The following PREPL variants were observed in gnomAD, a reference collection of about 807,000 sequenced individuals.
PREPL encodes the protein prolyl endopeptidase like, also known as prolyl endopeptidase-like.
Under a neutral mutation model 70.6 loss-of-function variants are expected in PREPL, and 77 were observed. That is an observed-to-expected ratio of 1.09 (90% confidence interval 0.91 to 1.32). The LOEUF (loss-of-function observed/expected upper bound fraction) is 1.32. Ranked by LOEUF, PREPL falls within the 40% of genes most tolerant of loss-of-function variation. PREPL has a pLI of 0.00. For synonymous variants in PREPL, 315 were observed against 264.8 expected (o/e 1.19, Z -1.84); for missense variants, 1,002 against 778.2 (o/e 1.29, Z -3.42).
chr2:44,338,360 C>T lies in PREPL; in HGVS notation c.879G>A (p.Arg293=), dbSNP rs546552914. The T allele has an allele frequency of 1.1e-5, 17 of 1,610,674 alleles. No homozygotes were observed. The highest frequency in any genetic ancestry group is 1.0e-4 in the South Asian group (9 of 90,432). ...NVIGLADDSV[R]SLKLPPWACG... is the part of the protein sequence containing the mutation. Reference sequence around the variant, plus strand: ...TGAAAATTAAACATACCTTTAGAGACCGAACTGAATCATCAGCCAGACCAA... The same window carrying T: ...TGAAAATTAAACATACCTTTAGAGATCGAACTGAATCATCAGCCAGACCAA... The change falls in exon 7 of 14, where the codon CGG becomes CGA. Residue 293 remains arginine, a synonymous_variant. Coordinates refer to ENST00000409411, the MANE Select transcript of PREPL (RefSeq NM_001171613.2).
chr2:44,327,400 G>T (rs1045680858), intron 9 of PREPL, among the ~76,000 whole-genome samples: 2 of 152,088 alleles, frequency 1.3e-5, no homozygotes, highest in African/African-American at 4.8e-5. Flanking sequence ...CCAGGTGAGG[G>T]GTATATACAC....
At chr2:44,333,065 G>A (rs1572867383) in intron 7 of PREPL, among the ~76,000 whole-genome samples, 1 of 152,164 alleles carries the variant, frequency 6.6e-6, no homozygotes, top group Admixed American at 6.5e-5. Context: ...ACATGCGTGT[G>A]TTTTTCATAA....
At chr2:44,331,682 C>G in intron 8 of PREPL, among the ~76,000 whole-genome samples, 1 of 152,132 alleles carries the variant, frequency 6.6e-6, no homozygotes, top group Non-Finnish European at 1.5e-5. Flanking sequence ...TCCCTTTGCT[C>G]TATGCTCCCA....
chr2:44,339,185 A>G lies in PREPL; in HGVS notation c.664T>C (p.Tyr222His), dbSNP rs764951966. The change falls in exon 6 of 14, where the codon TAC (tyrosine) becomes CAC (histidine). Residue 222 changes from tyrosine to histidine, a missense_variant. Transcript: ENST00000409411. ...YYVEHRDDELYILTNVGEPTE... is the reference protein window; with the variant it reads ...YYVEHRDDELHILTNVGEPTE... ...GGTTCTCCAACATTAGTGAGAATGT[A>G]TAATTCATCATCTCTGTGTTCAACA... 14 of 1,613,932 alleles carry G rather than the reference A, an allele frequency of 8.7e-6. No homozygotes were observed. Among genetic ancestry groups the G allele is most frequent in the East Asian group, 6.7e-5 (3 of 44,882 alleles).
At chr2:44,328,438 C>CAAA (rs1194898905) in intron 9 of PREPL, among the ~76,000 whole-genome samples, 1,840 of 61,136 alleles carry the variant, frequency 0.03, 64 homozygotes, top group Middle Eastern at 0.062. Context: ...CTGTCTCAAA[C>CAAA]AAAAAAAAAA....
rs190581072 is a variant in PREPL, at chr2:44,353,079, T to C, written c.-48-6689A>G. On this transcript the variant is annotated intron_variant, in intron 1 of 13. Transcript: ENST00000409411. ...CTGGGCAACATAGCAAGACTCTGTC[T>C]CTATTTAAAAAAGTTTTGGATTTTG... Among the ~76,000 whole-genome samples, 22 of 152,040 alleles carry C rather than the reference T, an allele frequency of 1.4e-4. No homozygotes were observed. In the East Asian group the frequency reaches 3.9e-3, roughly 27 times the overall value.
intron 10 of PREPL, among the ~76,000 whole-genome samples, 157 bp downstream of exon 10, chr2:44,326,555 C>G (rs1483855320): frequency 6.6e-6 from 1 of 151,244 alleles, no homozygotes; most frequent in African/African-American, 2.4e-5. Context: ...CCAGGCTGGT[C>G]TCGAGCTCCT....
chr2:44,345,248 G>A (rs1675670071), intron 2 of PREPL, among the ~76,000 whole-genome samples: 1 of 152,156 alleles, frequency 6.6e-6, no homozygotes, highest in Admixed American at 6.5e-5. Context: ...GGCGTAATTT[G>A]AATCTGGAGA....
Position 44,319,493 on chromosome 2 carries a change from CATTT to C in PREPL, c.*1859_*1862del, listed in dbSNP as rs149755863. ...TTCAACAGAATATTGTCATTAAAAA[CATTT>C]ATGGAGGCTATATTATATAGTCAAT... is the stretch of plus-strand genomic sequence containing the variant. On this transcript the variant is annotated 3_prime_UTR_variant, in exon 14 of 14. Transcript: ENST00000409411. 0.043 allele frequency: 6,553 copies of C among 152,220 alleles called. 165 individuals carry two copies. The highest frequency in any genetic ancestry group is 0.098 in the East Asian group (508 of 5,178). The allele number at this position is 152,220 out of a possible 1,614,324, so 9.4% of individuals were successfully genotyped here. A position where few individuals can be genotyped will look rare whatever the true frequency, so the allele number is the denominator to read the frequency against.
Position 44,339,365 on chromosome 2 carries a change from TAGAGAGAG to T in PREPL, c.486-10_486-3del, listed in dbSNP as rs750292662. 1.3e-6 allele frequency: 2 copies of T among 1,535,390 alleles called. No homozygotes were observed. The highest frequency in any genetic ancestry group is 1.8e-6 in the Non-Finnish European group (2 of 1,123,552). On this transcript the variant is annotated splice_polypyrimidine_tract_variant and splice_region_variant and intron_variant, in intron 5 of 13. Transcript: ENST00000409411. The stretch of plus-strand genomic sequence containing the variant: ...GTAAGATAAAGGAAAACAAAGTAGC[TAGAGAGAG>T]AGAGAGAGACATGAGATCACAGTTT...
intron 2 of PREPL, among the ~76,000 whole-genome samples, chr2:44,345,705 A>G (rs1163966721): frequency 6.6e-6 from 1 of 152,228 alleles, no homozygotes; most frequent in East Asian, 1.9e-4. Context: ...ATGGTTAAAC[A>G]GATACTTGGC....
rs538599031 is a variant in PREPL at position 44,332,147 on chromosome 2, C to T, written c.1086+312G>A. Among the ~76,000 whole-genome samples the T allele has an allele frequency of 2.2e-3, 335 of 152,040 alleles. 2 individuals are homozygous for T. The highest frequency in any genetic ancestry group is 0.014 in the Middle Eastern group (4 of 294). On this transcript the variant is annotated intron_variant, in intron 8 of 13. Transcript: ENST00000409411. ...ATTTTTAGTAGAGATGGGGTTTCACCGTGTTAGCCAGGATGGTCTCGATCT... is the reference window on the plus strand; with the variant it reads ...ATTTTTAGTAGAGATGGGGTTTCACTGTGTTAGCCAGGATGGTCTCGATCT...
chr2:44,353,685 A>G (rs778613290), intron 1 of PREPL, among the ~76,000 whole-genome samples: 61 of 152,212 alleles, frequency 4.0e-4, no homozygotes, highest in Non-Finnish European at 7.5e-4. Context: ...AAATGAGATG[A>G]AAGTGAGAGT....
At position 44,328,949 on chromosome 2, in the gene PREPL, T is replaced by C. The variant is rs758207172; in HGVS notation, c.1250A>G (p.Tyr417Cys). 3.1e-6 allele frequency: 5 copies of C among 1,612,482 alleles called. No homozygotes were observed. The highest frequency in any genetic ancestry group is 1.7e-4 in the Middle Eastern group (1 of 6,044). The change falls in exon 9 of 14, where the codon TAC (tyrosine) becomes TGC (cysteine). Residue 417 changes from tyrosine to cysteine, a missense_variant. Coordinates refer to ENST00000409411, the MANE Select transcript of PREPL (RefSeq NM_001171613.2). Reference sequence around the variant, plus strand: ...TATACTGACTCACCGAACATGGCAGTATGCTAATATCCATCCATCATCCAC... The same window carrying C: ...TATACTGACTCACCGAACATGGCAGCATGCTAATATCCATCCATCATCCAC... ...VLVDDGWILA[Y>C]CHVRGGGELG...
At chr2:44,338,600 T>A in intron 6 of PREPL, 64 bp from the exon 7 acceptor site, 1 of 1,328,488 alleles carries the variant, frequency 7.5e-7, no homozygotes, top group Non-Finnish European at 1.0e-6. Context: ...CATCCAGAGA[T>A]GCAATCACTG....
intron 1 of PREPL, among the ~76,000 whole-genome samples, chr2:44,353,385 G>A (rs748674030): frequency 2.0e-4 from 31 of 152,100 alleles, no homozygotes; most frequent in South Asian, 6.2e-4. Flanking sequence ...AGGAGTTTGA[G>A]ACCAGCCTGG....
At position 44,332,570 on chromosome 2, in the gene PREPL, G is replaced by T; in HGVS notation, c.975C>A (p.Pro325=). 6.2e-7 allele frequency: 1 copy of T among 1,613,804 alleles called. No homozygotes were observed. The highest frequency in any genetic ancestry group is 8.5e-7 in the Non-Finnish European group (1 of 1,179,720). ...CPFQLCSPIR[P]PKYYTYKFAE... ...CAAACTTGTATGTGTAATATTTTGG[G>T]GGACGTATTGGAGAGCAAAGTTGAA... The change falls in exon 8 of 14, where the codon CCC becomes CCA. Residue 325 remains proline (P), a synonymous_variant. Coordinates refer to ENST00000409411, the MANE Select transcript of PREPL (RefSeq NM_001171613.2).
rs762344284 is a variant in PREPL at position 44,328,983 on chromosome 2, G to A, written c.1216C>T (p.Arg406Trp). 3.4e-5 allele frequency: 55 copies of A among 1,613,826 alleles called. 1 individual carries two copies. Among genetic ancestry groups the A allele is most frequent in the South Asian group, 1.6e-4 (15 of 91,058 alleles). Residue 406 changes from arginine (R) to tryptophan (W), a missense_variant, in exon 9 of 14, where the codon CGG (arginine) becomes TGG (tryptophan). Arg to Trp is a moderately radical substitution (Grantham distance 101). Coordinates refer to ENST00000409411, the MANE Select transcript of PREPL (RefSeq NM_001171613.2). ...DLKMNFRPER[R>W]VLVDDGWILA... is the part of the protein sequence containing the mutation. ...ATCCATCCATCATCCACCAGGACCC[G>A]CCTCTCAGGCCTGAAATTCATTTTC...
intron 1 of PREPL, among the ~76,000 whole-genome samples, chr2:44,351,658 A>C (rs1676453774): frequency 6.6e-6 from 1 of 152,158 alleles, no homozygotes; most frequent in African/African-American, 2.4e-5. Flanking sequence ...TGGTCTGCTA[A>C]ATCCTCTCAA....
Sources: allele counts gnomAD v4.1 joint callset (sites outside exome capture counted in the v4.1 genomes callset), GRCh38; gene constraint gnomAD v4.1.1; transcripts MANE v1.5; gene names NCBI Gene and HGNC (gene_info 2026-07-23, HGNC 2026-07-21).